SLC23A2: variants seen among roughly 807,000 people sequenced by gnomAD.
SLC23A2 encodes solute carrier family 23 member 2.
Under a neutral mutation model 73.3 loss-of-function variants are expected in SLC23A2, and 36 were observed. The observed-to-expected ratio is 0.49, with a 90% CI of 0.38 to 0.65. The LOEUF (loss-of-function observed/expected upper bound fraction) is 0.65. Ranked by LOEUF, SLC23A2 falls within the 30% of genes least tolerant of loss-of-function variation. SLC23A2 has a pLI of 0.00. For synonymous variants in SLC23A2, 343 were observed against 327.3 expected (o/e 1.05, Z -0.52); for missense variants, 507 against 841.6 (o/e 0.60, Z 4.92).
At chr20:4,866,392 G>C (rs1930201345) in intron 13 of SLC23A2, among the ~76,000 whole-genome samples, 1 of 152,228 alleles carries the variant, frequency 6.6e-6, no homozygotes, top group Non-Finnish European at 1.5e-5. Flanking sequence ...ATGCCTGCAA[G>C]CTCATGGCAG....
intron 11 of SLC23A2, among the ~76,000 whole-genome samples, chr20:4,871,934 GATTTTGAAGGGGGATTCTT>G (rs1930464006): frequency 6.6e-6 from 1 of 152,094 alleles, no homozygotes; most frequent in Admixed American, 6.5e-5. Context: ...TTAGTGTCTT[GATTTTGAAGGGGGATTCTT>G]ATTTTGATCC....
rs1321104238 is a variant in SLC23A2, at chr20:4,857,877, G to A, written c.1721-673C>T. ...ACCCGAGAGGCAGAGACTGCAGTGA[G>A]CTGAGATCATGCCATTGCACTCTAG... On this transcript the variant is annotated intron_variant, in intron 16 of 16. Coordinates refer to ENST00000338244, the MANE Select transcript of SLC23A2 (RefSeq NM_005116.6). This position sits in a 1 kb window ranked among gnomAD's most constrained non-coding sequence, Gnocchi z 4.0. 6.6e-6 allele frequency among the ~76,000 whole-genome samples: 1 copy of A among 152,142 alleles called. No homozygotes were observed.
chr20:4,964,017 T>TA (rs2087434353), intron 2 of SLC23A2, among the ~76,000 whole-genome samples: 1 of 151,610 alleles, frequency 6.6e-6, no homozygotes, highest in African/African-American at 2.4e-5. Flanking sequence ...ACTTATTTTT[T>TA]TTTTTTTGAG....
chr20:4,899,359 T>TGGC lies in SLC23A2; in HGVS notation c.482+193_482+195dup, dbSNP rs1184616619. ...GCTTGGACAACTGGGTAGGGGAAGGTGGCGGTGGTGCCATTCACCAAGAGA... is the reference window on the plus strand; with the variant it reads ...GCTTGGACAACTGGGTAGGGGAAGGTGGCGGCGGTGGTGCCATTCACCAAGAGA... On this transcript the variant is annotated intron_variant, in intron 6 of 16. Coordinates refer to ENST00000338244, the MANE Select transcript of SLC23A2 (RefSeq NM_005116.6). This position sits in a 1 kb window ranked among gnomAD's most constrained non-coding sequence, Gnocchi z 4.9. Among the ~76,000 whole-genome samples the TGGC allele has an allele frequency of 6.6e-6, 1 of 151,334 alleles. No homozygotes were observed. The highest frequency in any genetic ancestry group is 1.5e-5 in the Non-Finnish European group (1 of 67,858).
intron 2 of SLC23A2, among the ~76,000 whole-genome samples, chr20:4,958,977 G>A (rs1228795171): frequency 6.6e-6 from 1 of 151,798 alleles, no homozygotes; most frequent in Non-Finnish European, 1.5e-5. Context: ...TTGGGAGGCC[G>A]AGGTGGGCAG....
At chr20:4,895,207 A>G (rs1931475898) in intron 6 of SLC23A2, among the ~76,000 whole-genome samples, 2 of 152,216 alleles carry the variant, frequency 1.3e-5, no homozygotes, top group South Asian at 4.1e-4. Flanking sequence ...AAGCCTAAGG[A>G]AATGAGTGGT....
At chr20:4,881,478 T>C (rs763603348) in intron 9 of SLC23A2, among the ~76,000 whole-genome samples, 5 of 152,244 alleles carry the variant, frequency 3.3e-5, no homozygotes, top group Non-Finnish European at 7.3e-5. Flanking sequence ...CTTTTTGTTT[T>C]AATTTGGGGG....
rs1005832821 is a variant in SLC23A2, at chr20:4,877,341, G to A, written c.825-2645C>T. Among the ~76,000 whole-genome samples the A allele has an allele frequency of 7.9e-5, 12 of 152,180 alleles. No individual in the cohort carries two copies. In the South Asian group the frequency reaches 1.5e-3, roughly 18 times the overall value. On this transcript the variant is annotated intron_variant, in intron 9 of 16. Coordinates refer to ENST00000338244, the MANE Select transcript of SLC23A2 (RefSeq NM_005116.6). ...CAGCAAAAATTTAAGCTACATGCATGAGCATCAGCTGAGAAATGGCTGAAT... is the reference window on the plus strand; with the variant it reads ...CAGCAAAAATTTAAGCTACATGCATAAGCATCAGCTGAGAAATGGCTGAAT...
chr20:4,860,147 C>T (rs1323516712), intron 15 of SLC23A2, among the ~76,000 whole-genome samples: 1 of 152,176 alleles, frequency 6.6e-6, no homozygotes, highest in Non-Finnish European at 1.5e-5. Context: ...GAAATGAAAA[C>T]AAGTACTCAA....
Position 4,863,010 on chromosome 20 carries a change from C to CT in SLC23A2, c.1357-104dup. On this transcript the variant is annotated intron_variant, in intron 13 of 16. Transcript: ENST00000338244. This position sits in a 1 kb window ranked among gnomAD's most constrained non-coding sequence, Gnocchi z 4.8. Reference sequence around the variant, plus strand: ...GCAGAGATACCCATGGCCTGGCTCGCTACCTTCACCTCCTCCTCAGCCCAC... The same window carrying CT: ...GCAGAGATACCCATGGCCTGGCTCGCTTACCTTCACCTCCTCCTCAGCCCAC... 8.9e-7 allele frequency: 1 copy of CT among 1,126,324 alleles called. No homozygotes were observed. The allele number at this position is 1,126,324 out of a possible 1,614,324, so 69.8% of individuals were successfully genotyped here.
Position 4,947,646 on chromosome 20 carries a change from C to G in SLC23A2, c.-154-14930G>C, listed in dbSNP as rs1400222454. On this transcript the variant is annotated intron_variant, in intron 2 of 16. Coordinates refer to ENST00000338244, the MANE Select transcript of SLC23A2 (RefSeq NM_005116.6). This position sits in a 1 kb window ranked among gnomAD's most constrained non-coding sequence, Gnocchi z 4.4. Reference sequence around the variant, plus strand: ...TTCTCTCCATTTCACAGATGAGAAACTGGAGCACAGAGAGGTTGATTTATC... The same window carrying G: ...TTCTCTCCATTTCACAGATGAGAAAGTGGAGCACAGAGAGGTTGATTTATC... 3.3e-4 allele frequency among the ~76,000 whole-genome samples: 50 copies of G among 152,164 alleles called. No individual in the cohort carries two copies. The highest frequency in any genetic ancestry group is 2.8e-4 in the Non-Finnish European group (19 of 68,038).
intron 1 of SLC23A2, chr20:5,010,063 C>T (rs1242942470): frequency 6.7e-6 from 1 of 150,004 alleles, no homozygotes; most frequent in Non-Finnish European, 1.5e-5. Flanking sequence ...CCACTGCACT[C>T]CAGCCTGGGC....
At chr20:4,973,132 T>C (rs1322550703) in intron 1 of SLC23A2, among the ~76,000 whole-genome samples, 1 of 152,234 alleles carries the variant, frequency 6.6e-6, no homozygotes, top group Non-Finnish European at 1.5e-5. Flanking sequence ...TATGCATTTG[T>C]GTACACAGAA....
At chr20:4,930,816 CA>C (rs553480522) in intron 3 of SLC23A2, among the ~76,000 whole-genome samples, 17 of 144,302 alleles carry the variant, frequency 1.2e-4, no homozygotes, top group East Asian at 2.0e-4. Flanking sequence ...AAGACGGTCT[CA>C]AAAAAAAAAG....
At chr20:4,906,881 G>A (rs1437701708) in intron 4 of SLC23A2, among the ~76,000 whole-genome samples, 1 of 152,026 alleles carries the variant, frequency 6.6e-6, no homozygotes, top group African/African-American at 2.4e-5. Flanking sequence ...GACCAATTTG[G>A]GAGAGGGAAG....
At chr20:4,937,501 G>T (rs1013227459) in intron 2 of SLC23A2, among the ~76,000 whole-genome samples, 1 of 152,188 alleles carries the variant, frequency 6.6e-6, no homozygotes, top group Non-Finnish European at 1.5e-5. Flanking sequence ...GTGTCGGTGT[G>T]TGCCAGGCAC....
intron 3 of SLC23A2, among the ~76,000 whole-genome samples, chr20:4,923,721 T>A: frequency 6.6e-6 from 1 of 152,184 alleles, no homozygotes; most frequent in East Asian, 1.9e-4. Context: ...TATTTAGGGA[T>A]GTACAAAAAG....
Position 4,862,974 on chromosome 20 carries a change from A to T in SLC23A2, c.1357-67T>A, listed in dbSNP as rs1930038202. The T allele has an allele frequency of 2.6e-6, 4 of 1,518,176 alleles. No homozygotes were observed. The highest frequency in any genetic ancestry group is 3.6e-6 in the Non-Finnish European group (4 of 1,108,852). 94.0% of individuals were successfully genotyped at this position (1,518,176 alleles called of 1,614,324 possible). ...CATGCAAAATCACCGTAAGTTACTA[A>T]AGAACACACAGCAGAGATACCCATG... is the stretch of plus-strand genomic sequence containing the variant. On this transcript the variant is annotated intron_variant, in intron 13 of 16. Transcript: ENST00000338244. This position sits in a 1 kb window ranked among gnomAD's most constrained non-coding sequence, Gnocchi z 5.1.
At chr20:4,967,736 C>T (rs2087495966) in intron 2 of SLC23A2, among the ~76,000 whole-genome samples, 1 of 152,164 alleles carries the variant, frequency 6.6e-6, no homozygotes, top group African/African-American at 2.4e-5. Flanking sequence ...CTCTTCACTG[C>T]TCCAAGTGTT....
Sources: allele counts gnomAD v4.1 joint callset (sites outside exome capture counted in the v4.1 genomes callset), GRCh38; gene constraint gnomAD v4.1.1; non-coding constraint Gnocchi (gnomAD v3.1); transcripts MANE v1.5; gene names NCBI Gene and HGNC (gene_info 2026-07-23, HGNC 2026-07-21).